Variants in GPHN observed in about 807,000 individuals in gnomAD.
GPHN encodes the protein gephyrin.
GPHN carries 17 observed loss-of-function variants against 95.5 expected under a neutral mutation model. That is an observed-to-expected ratio of 0.18 (90% CI 0.12 to 0.27). The LOEUF (loss-of-function observed/expected upper bound fraction) is 0.27, where lower values mean the gene tolerates loss of function less well. Ranked by LOEUF, GPHN falls within the 10% of genes least tolerant of loss-of-function variation. GPHN has a pLI of 1.00. For synonymous variants in GPHN, 320 were observed against 322.5 expected, an observed-to-expected ratio of 0.99 and a Z score of 0.08; for missense variants, 660 against 978.1, an observed-to-expected ratio of 0.67 and a Z score of 4.34.
At chr14:67,131,635 A>C (rs1158103352) in intron 17 of GPHN, among the ~76,000 whole-genome samples, 2 of 152,124 alleles carry the variant, frequency 1.3e-5, no homozygotes, top group Non-Finnish European at 2.9e-5. Flanking sequence ...TTCATTTTAT[A>C]TTTCTGAAGA....
intron 2 of GPHN, among the ~76,000 whole-genome samples, chr14:66,767,250 G>T (rs2058994760): frequency 6.6e-6 from 1 of 151,818 alleles, no homozygotes; most frequent in Non-Finnish European, 1.5e-5. Flanking sequence ...ATGGGAAGAG[G>T]CTCCCTAGGA....
chr14:67,259,529 G>A, the GPHN span, among the ~76,000 whole-genome samples: 477 of 151,930 alleles, frequency 3.1e-3, 4 homozygotes, highest in Non-Finnish European at 3.9e-3. Flanking sequence ...GGAGAATTGC[G>A]TGAACTCAGG....
rs937013335 is a variant in GPHN, at chr14:66,722,733, A to G, written c.143+41548A>G. Among the ~76,000 whole-genome samples, 104 of 152,248 alleles carry G rather than the reference A, an allele frequency of 6.8e-4. 1 individual carries two copies. Among genetic ancestry groups the G allele is most frequent in the African/African-American group, 2.5e-3 (103 of 41,566 alleles). ...GCTGGGATTACAGGAGTGAGCCACCATGCCTGGCCACTAAAGCTTATTAAA... is the reference window on the plus strand; with the variant it reads ...GCTGGGATTACAGGAGTGAGCCACCGTGCCTGGCCACTAAAGCTTATTAAA... On this transcript the variant is annotated intron_variant, in intron 2 of 22. Coordinates refer to ENST00000478722, the MANE Select transcript of GPHN (RefSeq NM_020806.5).
the GPHN span, among the ~76,000 whole-genome samples, chr14:67,538,315 C>T: frequency 6.6e-6 from 1 of 152,200 alleles, no homozygotes; most frequent in African/African-American, 2.4e-5. Context: ...TTCTGCTACT[C>T]CTTAGCTCTA....
chr14:67,208,074 C>T, the GPHN span: 8 of 1,373,146 alleles, frequency 5.8e-6, no homozygotes, highest in East Asian at 1.9e-4. Context: ...TCACTCCCTC[C>T]TTACTACTCC....
chr14:67,406,902 C>T, the GPHN span, among the ~76,000 whole-genome samples: 1 of 152,134 alleles, frequency 6.6e-6, no homozygotes, highest in Non-Finnish European at 1.5e-5. Flanking sequence ...GACACTTGTC[C>T]CTGGGCAGAG....
At chr14:67,056,092 A>C (rs1179350313) in intron 10 of GPHN, among the ~76,000 whole-genome samples, 2 of 152,242 alleles carry the variant, frequency 1.3e-5, no homozygotes, top group African/African-American at 4.8e-5. Flanking sequence ...CTTCCACAGC[A>C]TGGAGGGGGA....
At chr14:67,054,457 A>G (rs2075454291) in intron 10 of GPHN, among the ~76,000 whole-genome samples, 1 of 152,206 alleles carries the variant, frequency 6.6e-6, no homozygotes, top group South Asian at 2.1e-4. Context: ...GAGAGCACAC[A>G]AACAAATGGA....
At chr14:66,953,025 G>T (rs1410351957) in intron 8 of GPHN, among the ~76,000 whole-genome samples, 2 of 150,546 alleles carry the variant, frequency 1.3e-5, no homozygotes. Flanking sequence ...TCATCTGAAT[G>T]GGTGTGAAAT....
chr14:66,669,678 G>A (rs2066187991), intron 1 of GPHN, among the ~76,000 whole-genome samples: 1 of 151,554 alleles, frequency 6.6e-6, no homozygotes, highest in African/African-American at 2.4e-5. Flanking sequence ...CTTGCTGATT[G>A]TTTTCGCATG....
At chr14:66,733,852 A>G (rs775540941) in intron 2 of GPHN, among the ~76,000 whole-genome samples, 27 of 152,178 alleles carry the variant, frequency 1.8e-4, no homozygotes, top group Non-Finnish European at 4.4e-5. Context: ...GGTATTTTGG[A>G]TGAAAATTGC....
intron 4 of GPHN, among the ~76,000 whole-genome samples, chr14:66,851,166 A>C (rs183142104): frequency 1.1e-3 from 174 of 151,888 alleles, no homozygotes; most frequent in Admixed American, 1.7e-3. Context: ...CAAAAAAAAA[A>C]CCCACAAATA....
chr14:66,806,873 G>A (rs1042779066), intron 3 of GPHN, among the ~76,000 whole-genome samples: 1 of 152,034 alleles, frequency 6.6e-6, no homozygotes, highest in East Asian at 1.9e-4. Flanking sequence ...CCTCCAAATT[G>A]TTCCAACCCC....
chr14:67,577,759 GT>G, the GPHN span, among the ~76,000 whole-genome samples: 4 of 151,838 alleles, frequency 2.6e-5, no homozygotes, highest in Admixed American at 2.0e-4. Context: ...TGAGTTTTCT[GT>G]TTTTGTTTTT....
intron 12 of GPHN, among the ~76,000 whole-genome samples, 155 bp downstream of exon 12, chr14:67,089,230 A>G (rs759740486): frequency 1.4e-5 from 2 of 144,432 alleles, no homozygotes; most frequent in Non-Finnish European, 3.0e-5. Context: ...AAATAACTTC[A>G]TTCACAGATA....
chr14:66,735,755 C>T lies in GPHN; in HGVS notation c.144-40709C>T, dbSNP rs570927704. Among the ~76,000 whole-genome samples, 56 of 152,014 alleles carry T rather than the reference C, an allele frequency of 3.7e-4. 1 individual carries two copies. Among genetic ancestry groups the T allele is most frequent in the African/African-American group, 1.3e-3 (55 of 41,478 alleles). ...TCATTTTATTGTTAATAGCATCTTT[C>T]TGGAGATCTGGTCTTCAACAGACTC... On this transcript the variant is annotated intron_variant, in intron 2 of 22. Transcript: ENST00000478722.
the GPHN span, chr14:67,662,463 T>C: frequency 1.9e-6 from 3 of 1,611,248 alleles, no homozygotes; most frequent in Admixed American, 1.7e-5. Flanking sequence ...ACAAAATTTG[T>C]TCCTTGTTCT....
chr14:67,041,208 C>G (rs1470408294), intron 10 of GPHN, among the ~76,000 whole-genome samples: 2 of 151,892 alleles, frequency 1.3e-5, no homozygotes, highest in African/African-American at 4.8e-5. Flanking sequence ...AATACAAACA[C>G]TTTCTTTTTT....
intron 2 of GPHN, among the ~76,000 whole-genome samples, chr14:66,754,211 A>G (rs1176386128): frequency 6.6e-6 from 1 of 152,036 alleles, no homozygotes; most frequent in Non-Finnish European, 1.5e-5. Context: ...TATTTCTCTT[A>G]GATAAGTACT....
Sources: allele counts gnomAD v4.1 joint callset (sites outside exome capture counted in the v4.1 genomes callset), GRCh38; gene constraint gnomAD v4.1.1; transcripts MANE v1.5; gene names NCBI Gene and HGNC (gene_info 2026-07-23, HGNC 2026-07-21).